The following POU6F2 variants were observed in gnomAD, a reference collection of about 807,000 sequenced individuals.
POU6F2 encodes POU domain, class 6, transcription factor 2.
In POU6F2, 31 loss-of-function variants were observed where a neutral mutation model predicts 71.3. The observed-to-expected ratio is 0.43, with a 90% CI of 0.33 to 0.59. POU6F2 has a LOEUF of 0.59. POU6F2 is among the 20% of genes least tolerant of loss of function. The pLI, the probability that POU6F2 is intolerant of heterozygous loss-of-function variation, is 0.04. For synonymous variants in POU6F2, 347 were observed against 355.7 expected, an observed-to-expected ratio of 0.98 and a Z score of 0.27; for missense variants, 783 against 856.8, an observed-to-expected ratio of 0.91 and a Z score of 1.07.
intron 4 of POU6F2, among the ~76,000 whole-genome samples, chr7:39,262,208 C>T (rs1784149351): frequency 6.6e-6 from 1 of 152,154 alleles, no homozygotes; most frequent in South Asian, 2.1e-4. Flanking sequence ...AGTAGGAAAA[C>T]AAGGTTGTTA....
intron 2 of POU6F2, among the ~76,000 whole-genome samples, chr7:39,133,378 T>C (rs1167994790): frequency 6.6e-6 from 1 of 152,212 alleles, no homozygotes; most frequent in Non-Finnish European, 1.5e-5. Context: ...ATTTCTAAAG[T>C]GCTGTGTAAA....
intron 4 of POU6F2, among the ~76,000 whole-genome samples, chr7:39,229,491 A>G (rs1794533890): frequency 6.6e-6 from 1 of 152,216 alleles, no homozygotes; most frequent in Non-Finnish European, 1.5e-5. Flanking sequence ...TTTCCCAACA[A>G]TGATTCCAGA....
chr7:39,442,217 G>A (rs992043940), intron 7 of POU6F2, among the ~76,000 whole-genome samples: 2 of 152,176 alleles, frequency 1.3e-5, no homozygotes, highest in African/African-American at 4.8e-5. Context: ...GTGTTGGTGG[G>A]CAAGACAGAT....
intron 6 of POU6F2, among the ~76,000 whole-genome samples, chr7:39,432,427 T>C (rs1788124456): frequency 6.6e-6 from 1 of 152,212 alleles, no homozygotes; most frequent in African/African-American, 2.4e-5. Context: ...TCTCAAGCCT[T>C]CAGAAAGCTT....
intron 4 of POU6F2, among the ~76,000 whole-genome samples, chr7:39,230,458 T>C (rs533782473): frequency 2.0e-5 from 3 of 151,250 alleles, no homozygotes; most frequent in Admixed American, 6.6e-5. Flanking sequence ...CACTCCAGCC[T>C]GGGTGACAGC....
intron 2 of POU6F2, among the ~76,000 whole-genome samples, chr7:39,098,094 T>C (rs1791491163): frequency 6.6e-6 from 1 of 152,192 alleles, no homozygotes; most frequent in Non-Finnish European, 1.5e-5. Flanking sequence ...CTCTTAATCA[T>C]GTCCAAAAGG....
At chr7:39,068,822 A>G (rs35319478) in intron 1 of POU6F2, among the ~76,000 whole-genome samples, 39,496 of 152,058 alleles carry the variant, frequency 0.26, 5,292 homozygotes, top group South Asian at 0.4. Flanking sequence ...TCCTCAGAAT[A>G]TATCTTTAGG....
intron 1 of POU6F2, among the ~76,000 whole-genome samples, chr7:39,071,380 C>T (rs910380135): frequency 6.6e-6 from 1 of 151,974 alleles, no homozygotes; most frequent in African/African-American, 2.4e-5. Flanking sequence ...GATGAAGTTT[C>T]ACTTGCTTGC....
At chr7:38,982,195 C>T (rs1021618510) in intron 1 of POU6F2, among the ~76,000 whole-genome samples, 14 of 151,994 alleles carry the variant, frequency 9.2e-5, no homozygotes, top group African/African-American at 3.1e-4. Flanking sequence ...AGCATAATTC[C>T]CATATACTCT....
intron 2 of POU6F2, among the ~76,000 whole-genome samples, chr7:39,116,242 G>T (rs1488434608): frequency 6.6e-6 from 1 of 152,060 alleles, no homozygotes; most frequent in Non-Finnish European, 1.5e-5. Context: ...AAAATTATCT[G>T]GGCATGGTGG....
At chr7:39,194,675 C>G (rs977194004) in intron 2 of POU6F2, among the ~76,000 whole-genome samples, 1 of 77,852 alleles carries the variant, frequency 1.3e-5, no homozygotes, top group African/African-American at 4.4e-5. Context: ...TAACCCACTC[C>G]GGTCCCCTTC....
intron 2 of POU6F2, among the ~76,000 whole-genome samples, chr7:39,165,254 C>T (rs2128737621): frequency 6.6e-6 from 1 of 152,270 alleles, no homozygotes; most frequent in Non-Finnish European, 1.5e-5. Context: ...TCTGTTAACC[C>T]TTTTAAGCCA....
chr7:39,354,933 C>T (rs1487823259), intron 5 of POU6F2, among the ~76,000 whole-genome samples: 1 of 152,220 alleles, frequency 6.6e-6, no homozygotes, highest in African/African-American at 2.4e-5. Context: ...GCAGTAAGAG[C>T]TCTCTTCTTG....
chr7:39,226,245 C>T (rs1181090099), intron 4 of POU6F2, among the ~76,000 whole-genome samples: 3 of 152,084 alleles, frequency 2.0e-5, no homozygotes, highest in Non-Finnish European at 2.9e-5. Flanking sequence ...CTGTGTTCTG[C>T]ATGAGTTGTA....
rs147357492 is a variant in POU6F2, at chr7:39,211,152, C to T, written c.598+3532C>T. On this transcript the variant is annotated intron_variant, in intron 4 of 9. Coordinates refer to ENST00000518318, the MANE Select transcript of POU6F2 (RefSeq NM_001370959.1). Reference sequence around the variant, plus strand: ...ACCTAATCAACTCCCAGAGGCCTCACCTGCTGATACCATCACCTTGGGGGT... The same window carrying T: ...ACCTAATCAACTCCCAGAGGCCTCATCTGCTGATACCATCACCTTGGGGGT... Among the ~76,000 whole-genome samples the T allele has an allele frequency of 3.2e-4, 49 of 152,242 alleles. No individual in the cohort carries two copies. In the East Asian group the frequency reaches 9.1e-3, roughly 28 times the overall value.
intron 4 of POU6F2, among the ~76,000 whole-genome samples, chr7:39,252,959 C>A (rs891111867): frequency 6.6e-6 from 1 of 152,158 alleles, no homozygotes; most frequent in Admixed American, 6.5e-5. Flanking sequence ...CCTCCTAGCC[C>A]CCAAAGAATG....
At chr7:39,247,852 C>A (rs1279412104) in intron 4 of POU6F2, among the ~76,000 whole-genome samples, 1 of 152,154 alleles carries the variant, frequency 6.6e-6, no homozygotes, top group Non-Finnish European at 1.5e-5. Flanking sequence ...AGGTAGGACC[C>A]CTGTCAGAGC....
intron 2 of POU6F2, among the ~76,000 whole-genome samples, chr7:39,159,000 C>A (rs186744805): frequency 6.6e-6 from 1 of 151,410 alleles, no homozygotes; most frequent in Admixed American, 6.6e-5. Context: ...GATGAAACCC[C>A]GTCTATACTA....
At position 39,255,341 on chromosome 7, in the gene POU6F2, G is replaced by GA. The variant is rs532366051; in HGVS notation, c.598+47724dup. On this transcript the variant is annotated intron_variant, in intron 4 of 9. Coordinates refer to ENST00000518318, the MANE Select transcript of POU6F2 (RefSeq NM_001370959.1). Reference sequence around the variant, plus strand: ...ACCAAAACAGGAAAATTTAAATTATGAAAGTATTCCTGCCCAGAGTAGATG... The same window carrying GA: ...ACCAAAACAGGAAAATTTAAATTATGAAAAGTATTCCTGCCCAGAGTAGATG... Among the ~76,000 whole-genome samples the GA allele has an allele frequency of 1.6e-3, 240 of 152,306 alleles. 1 individual carries two copies. Among genetic ancestry groups the GA allele is most frequent in the African/African-American group, 5.4e-3 (226 of 41,574 alleles).
Sources: gnomAD v4.1 joint callset for allele counts (sites outside exome capture counted in the v4.1 genomes callset) on GRCh38, gnomAD v4.1.1 for gene constraint, MANE v1.5 for transcripts, NCBI Gene and HGNC (gene_info 2026-07-23, HGNC 2026-07-21) for gene names.